TNPO2: variants seen among roughly 807,000 people sequenced by gnomAD.
The protein encoded by TNPO2 is transportin-2.
TNPO2 carries 16 observed loss-of-function variants against 111.1 expected under a neutral mutation model. The ratio of observed to expected loss-of-function variants is 0.14; its 90% CI spans 0.10 to 0.22. The LOEUF is 0.22. Ranked by LOEUF, TNPO2 falls within the 10% of genes least tolerant of loss-of-function variation. The pLI, the probability that TNPO2 is intolerant of heterozygous loss-of-function variation, is 1.00. For missense variants in TNPO2, 530 were observed against 1,173.7 expected, an observed-to-expected ratio of 0.45 and a Z score of 8.01; for synonymous variants, 481 against 475.8, an observed-to-expected ratio of 1.01 and a Z score of -0.14.
rs756016464 is a variant in TNPO2 at position 12,715,556 on chromosome 19, G to C, written c.433-18C>G. ...AAGGCTCCCTGAGTGCAGAGGGGCA[G>C]AGAGACAAACGTGGGTGGTGGGTGG... On this transcript the variant is annotated intron_variant, in intron 6 of 25. Coordinates refer to ENST00000425528, the MANE Select transcript of TNPO2 (RefSeq NM_001382241.1). This position sits in a 1 kb window ranked among gnomAD's most constrained non-coding sequence, Gnocchi z 7.1. The C allele has an allele frequency of 5.0e-6, 8 of 1,613,636 alleles. No individual in the cohort carries two copies. The highest frequency in any genetic ancestry group is 1.7e-4 in the Middle Eastern group (1 of 6,060).
At chr19:12,713,678 C>T (rs911901463) in intron 10 of TNPO2, among the ~76,000 whole-genome samples, 1 of 151,930 alleles carries the variant, frequency 6.6e-6, no homozygotes, top group Non-Finnish European at 1.5e-5. Flanking sequence ...TGCCCTCCAG[C>T]CTGGGCAGCA....
chr19:12,704,133 G>A (rs1049516842), intron 18 of TNPO2, among the ~76,000 whole-genome samples: 1 of 152,304 alleles, frequency 6.6e-6, no homozygotes, highest in Admixed American at 6.5e-5. Flanking sequence ...TTGGCAGGCC[G>A]AGGCAGGCAG....
At chr19:12,712,614 T>C (rs538966294) in intron 10 of TNPO2, among the ~76,000 whole-genome samples, 1 of 151,922 alleles carries the variant, frequency 6.6e-6, no homozygotes, top group South Asian at 2.1e-4. Context: ...CTACTCTCCC[T>C]CTCTGCCTCG....
At chr19:12,703,236 T>C (rs899464623) in intron 20 of TNPO2, among the ~76,000 whole-genome samples, 192 bp downstream of exon 20, 4 of 151,586 alleles carry the variant, frequency 2.6e-5, no homozygotes, top group Non-Finnish European at 4.4e-5. Context: ...CACAAAACGG[T>C]CCAATCAGAA....
At position 12,702,971 on chromosome 19, in the gene TNPO2, C is replaced by G. The variant is rs986592654; in HGVS notation, c.2210-53G>C. Reference sequence around the variant, plus strand: ...CACAGCCCCCGCCACCCACAGGGGCCAGGGGGCCGCCCCACCTCACTCACT... The same window carrying G: ...CACAGCCCCCGCCACCCACAGGGGCGAGGGGGCCGCCCCACCTCACTCACT... On this transcript the variant is annotated intron_variant, in intron 20 of 25. Transcript: ENST00000425528. The surrounding 1 kb of genome is among the most constrained non-coding windows in gnomAD (Gnocchi z 5.5). 2 of 1,531,072 alleles carry G rather than the reference C, an allele frequency of 1.3e-6. No individual in the cohort carries two copies. Among genetic ancestry groups the G allele is most frequent in the African/African-American group, 1.4e-5 (1 of 72,856 alleles). The allele number at this position is 1,531,072 out of a possible 1,614,324, so 94.8% of individuals were successfully genotyped here.
At position 12,723,797 on chromosome 19, in the gene TNPO2, C is replaced by T. The variant is rs1318969063; in HGVS notation, c.-159G>A. 1.3e-5 allele frequency: 2 copies of T among 152,184 alleles called. No homozygotes were observed. The highest frequency in any genetic ancestry group is 4.8e-5 in the African/African-American group (2 of 41,442). The allele number at this position is 152,184 out of a possible 1,614,324, so 9.4% of individuals were successfully genotyped here. Reference sequence around the variant, plus strand: ...CCGTAGGCAAAGTCAGTCCCGGCTCCGTTCATTCATGAAAATCAAGTCCCG... The same window carrying T: ...CCGTAGGCAAAGTCAGTCCCGGCTCTGTTCATTCATGAAAATCAAGTCCCG... On this transcript the variant is annotated 5_prime_UTR_variant, in exon 1 of 26. Transcript: ENST00000425528.
intron 3 of TNPO2, 77 bp downstream of exon 3, chr19:12,720,802 C>G: frequency 7.6e-5 from 111 of 1,468,626 alleles, no homozygotes; most frequent in Middle Eastern, 1.8e-4. Flanking sequence ...GAGTCAGTCC[C>G]TCTCTTTCTC....
rs2026315267 is a variant in TNPO2 at position 12,715,567 on chromosome 19, G to A, written c.433-29C>T. ...AGTGCAGAGGGGCAGAGAGACAAAC[G>A]TGGGTGGTGGGTGGTGGTCCCAGCC... On this transcript the variant is annotated intron_variant, in intron 6 of 25. Transcript: ENST00000425528. The surrounding 1 kb of genome is among the most constrained non-coding windows in gnomAD (Gnocchi z 7.1). 1.9e-6 allele frequency: 3 copies of A among 1,613,600 alleles called. No individual in the cohort carries two copies. Among genetic ancestry groups the A allele is most frequent in the Middle Eastern group, 1.6e-4 (1 of 6,062 alleles).
chr19:12,702,816 T>G lies in TNPO2; in HGVS notation c.2305+7A>C, dbSNP rs1327692515. The stretch of plus-strand genomic sequence containing the variant: ...GGGTGCAGGCAGCAGCCGGGCCAGG[T>G]GCCCACCTGTGTTTTCCAGCAGTGT... On this transcript the variant is annotated splice_region_variant and intron_variant, in intron 21 of 25. Transcript: ENST00000425528. The surrounding 1 kb of genome is among the most constrained non-coding windows in gnomAD (Gnocchi z 5.5). The G allele has an allele frequency of 1.2e-6, 2 of 1,613,560 alleles. No homozygotes were observed. Among genetic ancestry groups the G allele is most frequent in the Admixed American group, 3.3e-5 (2 of 60,000 alleles).
At chr19:12,709,996 G>C (rs1033945430) in intron 13 of TNPO2, among the ~76,000 whole-genome samples, 3 of 152,114 alleles carry the variant, frequency 2.0e-5, no homozygotes, top group African/African-American at 7.2e-5. Flanking sequence ...CACAGGTCTG[G>C]ATGCTGAGGC....
Position 12,719,226 on chromosome 19 carries a change from G to A in TNPO2, c.175+35C>T. ...TCAGGGGCCCAGGGGGAGAAAGCAG[G>A]GTCCCGATCGCATGGAAGGGAGCAG... is the stretch of plus-strand genomic sequence containing the variant. On this transcript the variant is annotated intron_variant, in intron 4 of 25. Coordinates refer to ENST00000425528, the MANE Select transcript of TNPO2 (RefSeq NM_001382241.1). The surrounding 1 kb of genome is among the most constrained non-coding windows in gnomAD (Gnocchi z 5.0). 3.7e-6 allele frequency: 6 copies of A among 1,613,890 alleles called. No individual in the cohort carries two copies. The highest frequency in any genetic ancestry group is 5.1e-6 in the Non-Finnish European group (6 of 1,179,788).
chr19:12,717,770 G>C (rs996153738), intron 5 of TNPO2, among the ~76,000 whole-genome samples: 2 of 151,984 alleles, frequency 1.3e-5, no homozygotes, highest in African/African-American at 4.8e-5. Flanking sequence ...TCTGCCTCCC[G>C]GGCTCAAGCA....
At chr19:12,718,962 C>T in intron 5 of TNPO2, 67 bp downstream of exon 5, 3 of 1,589,530 alleles carry the variant, frequency 1.9e-6, no homozygotes, top group Non-Finnish European at 2.6e-6. Flanking sequence ...TGAAGCACTA[C>T]ACTTAACATG....
At chr19:12,709,406 G>A (rs992186550) in intron 13 of TNPO2, among the ~76,000 whole-genome samples, 8 of 147,610 alleles carry the variant, frequency 5.4e-5, no homozygotes, top group Admixed American at 4.0e-4. Flanking sequence ...ATTAACATAT[G>A]TAAGCGTATT....
At chr19:12,708,606 C>T (rs1413540253) in intron 13 of TNPO2, among the ~76,000 whole-genome samples, 1 of 151,972 alleles carries the variant, frequency 6.6e-6, no homozygotes, top group Non-Finnish European at 1.5e-5. Context: ...GTGGCTCACG[C>T]CTGTAATCCC....
chr19:12,704,907 T>C (rs999532826), intron 18 of TNPO2, among the ~76,000 whole-genome samples: 5 of 152,098 alleles, frequency 3.3e-5, no homozygotes, highest in African/African-American at 1.2e-4. Flanking sequence ...GCTCTCAAAC[T>C]CCTGACCTCA....
chr19:12,700,231 T>C lies in TNPO2; in HGVS notation c.*1033A>G, dbSNP rs722572. 0.4 allele frequency: 60,277 copies of C among 151,882 alleles called. 12,768 individuals are homozygous for C. The highest frequency in any genetic ancestry group is 0.52 in the African/African-American group (21,713 of 41,360). 9.4% of individuals were successfully genotyped at this position (151,882 alleles called of 1,614,324 possible). A position where few individuals can be genotyped will look rare whatever the true frequency, so the allele number is the denominator to read the frequency against. On this transcript the variant is annotated 3_prime_UTR_variant, in exon 26 of 26. Coordinates refer to ENST00000425528, the MANE Select transcript of TNPO2 (RefSeq NM_001382241.1). ...ACCTGTGTCCTCTGTCATCATCAAT[T>C]AAACGCCCCTGCCCCAGGCCTTGAG...
intron 13 of TNPO2, among the ~76,000 whole-genome samples, chr19:12,708,959 C>A (rs903626498): frequency 6.7e-6 from 1 of 149,912 alleles, no homozygotes; most frequent in African/African-American, 2.5e-5. Context: ...TGCTTGAACC[C>A]GGGAGGCAGA....
Position 12,719,213 on chromosome 19 carries a change from G to T in TNPO2, c.176-35C>A, listed in dbSNP as rs746173753. Reference sequence around the variant, plus strand: ...GGAAGGCTGAGGTTCAGGGGCCCAGGGGGAGAAAGCAGGGTCCCGATCGCA... The same window carrying T: ...GGAAGGCTGAGGTTCAGGGGCCCAGTGGGAGAAAGCAGGGTCCCGATCGCA... On this transcript the variant is annotated intron_variant, in intron 4 of 25. Transcript: ENST00000425528. This position sits in a 1 kb window ranked among gnomAD's most constrained non-coding sequence, Gnocchi z 5.0. 1.2e-6 allele frequency: 2 copies of T among 1,613,866 alleles called. No individual in the cohort carries two copies. The highest frequency in any genetic ancestry group is 1.7e-6 in the Non-Finnish European group (2 of 1,179,762).
Sources: gnomAD v4.1 joint callset for allele counts (sites outside exome capture counted in the v4.1 genomes callset) on GRCh38, gnomAD v4.1.1 for gene constraint, Gnocchi (gnomAD v3.1) non-coding constraint, MANE v1.5 for transcripts, NCBI Gene and HGNC (gene_info 2026-07-23, HGNC 2026-07-21) for gene names.